The following CLSTN2 variants were observed in gnomAD, a reference collection of about 807,000 sequenced individuals.
The protein encoded by CLSTN2 is calsyntenin-2.
Under a neutral mutation model 101.2 loss-of-function variants are expected in CLSTN2, and 48 were observed. That is an observed-to-expected ratio of 0.47 (90% CI 0.38 to 0.60). CLSTN2 has a LOEUF of 0.60. Ranked by LOEUF, CLSTN2 falls within the 20% of genes least tolerant of loss-of-function variation. The probability of loss-of-function intolerance (pLI) is 0.00; values close to 1 mark genes in which losing one functional copy is unlikely to be tolerated. For synonymous variants in CLSTN2, 481 were observed against 463.6 expected, an observed-to-expected ratio of 1.04 and a Z score of -0.48; for missense variants, 1,160 against 1,238.2, an observed-to-expected ratio of 0.94 and a Z score of 0.95.
intron 8 of CLSTN2, among the ~76,000 whole-genome samples, chr3:140,487,715 C>G (rs1291199580): frequency 6.6e-6 from 1 of 152,230 alleles, no homozygotes; most frequent in Non-Finnish European, 1.5e-5. Flanking sequence ...CTGAAGACCC[C>G]TTGTCCCTCT....
chr3:140,089,481 G>T (rs981976373), intron 1 of CLSTN2, among the ~76,000 whole-genome samples: 1 of 152,054 alleles, frequency 6.6e-6, no homozygotes, highest in Non-Finnish European at 1.5e-5. Flanking sequence ...GTGGAAAAGG[G>T]GACCTATTAG....
chr3:140,354,913 C>G (rs1016351851), intron 2 of CLSTN2, among the ~76,000 whole-genome samples: 3 of 152,180 alleles, frequency 2.0e-5, no homozygotes, highest in African/African-American at 7.2e-5. Context: ...CTACTATTCT[C>G]CTGCTAGTTG....
At chr3:140,048,142 T>G (rs1215925685) in intron 1 of CLSTN2, among the ~76,000 whole-genome samples, 1 of 152,202 alleles carries the variant, frequency 6.6e-6, no homozygotes, top group Non-Finnish European at 1.5e-5. Flanking sequence ...ATCTAAAATG[T>G]TGTCATTATT....
intron 2 of CLSTN2, among the ~76,000 whole-genome samples, chr3:140,313,558 G>A (rs1407186056): frequency 2.0e-5 from 3 of 152,120 alleles, no homozygotes; most frequent in Non-Finnish European, 4.4e-5. Context: ...TGGCAGTTGC[G>A]GTCACTGCTT....
chr3:140,255,468 C>T (rs147411084), intron 2 of CLSTN2, among the ~76,000 whole-genome samples: 7 of 152,216 alleles, frequency 4.6e-5, no homozygotes, highest in Non-Finnish European at 1.0e-4. Context: ...ACTTCACAGA[C>T]ATAAAAAACG....
chr3:140,027,694 C>G (rs1301405396), intron 1 of CLSTN2, among the ~76,000 whole-genome samples: 1 of 152,154 alleles, frequency 6.6e-6, no homozygotes, highest in Non-Finnish European at 1.5e-5. Flanking sequence ...GCTTTGTGAC[C>G]ATTTAAGCCT....
intron 1 of CLSTN2, among the ~76,000 whole-genome samples, chr3:140,129,656 C>A (rs1461079004): frequency 6.6e-6 from 1 of 152,186 alleles, no homozygotes; most frequent in Non-Finnish European, 1.5e-5. Flanking sequence ...CCTTGGTTCA[C>A]CCAAGATGCT....
At chr3:140,439,529 A>G (rs2088735936) in intron 5 of CLSTN2, among the ~76,000 whole-genome samples, 1 of 152,256 alleles carries the variant, frequency 6.6e-6, no homozygotes, top group Non-Finnish European at 1.5e-5. Context: ...GAGCAAGACA[A>G]AATTTGAGAA....
At chr3:140,537,960 G>A (rs1935390267) in intron 9 of CLSTN2, among the ~76,000 whole-genome samples, 1 of 152,170 alleles carries the variant, frequency 6.6e-6, no homozygotes, top group African/African-American at 2.4e-5. Flanking sequence ...TGCAGCACGT[G>A]GAGGTCCAGG....
intron 1 of CLSTN2, among the ~76,000 whole-genome samples, chr3:140,047,701 G>A (rs1162998029): frequency 6.6e-6 from 1 of 152,176 alleles, no homozygotes; most frequent in Non-Finnish European, 1.5e-5. Flanking sequence ...AGGGCATCCC[G>A]TGGTGACGAG....
intron 9 of CLSTN2, among the ~76,000 whole-genome samples, chr3:140,533,192 C>G (rs555890686): frequency 6.6e-6 from 1 of 152,326 alleles, no homozygotes; most frequent in South Asian, 2.1e-4. Context: ...CTTTCTGTCT[C>G]TCACTCAGGT....
intron 1 of CLSTN2, among the ~76,000 whole-genome samples, chr3:139,988,822 C>T (rs948648339): frequency 2.6e-5 from 4 of 152,100 alleles, no homozygotes; most frequent in African/African-American, 9.7e-5. Flanking sequence ...GGGATCCTGC[C>T]TGGTTTTAGA....
At chr3:140,128,380 G>T (rs980974656) in intron 1 of CLSTN2, among the ~76,000 whole-genome samples, 9 of 152,224 alleles carry the variant, frequency 5.9e-5, no homozygotes, top group Admixed American at 5.2e-4. Context: ...TGCTCTCAAA[G>T]ATGTTATCAG....
At chr3:140,088,815 A>G (rs1385680351) in intron 1 of CLSTN2, among the ~76,000 whole-genome samples, 1 of 152,368 alleles carries the variant, frequency 6.6e-6, no homozygotes, top group African/African-American at 2.4e-5. Context: ...TATCTGAGGC[A>G]AAACCTTGAA....
chr3:140,202,969 G>C (rs1645142831), intron 2 of CLSTN2, among the ~76,000 whole-genome samples: 1 of 152,180 alleles, frequency 6.6e-6, no homozygotes, highest in South Asian at 2.1e-4. Flanking sequence ...GGTCTAGCCA[G>C]TAAGATCTCC....
intron 2 of CLSTN2, among the ~76,000 whole-genome samples, chr3:140,256,831 A>G (rs1393070420): frequency 6.6e-6 from 1 of 152,176 alleles, no homozygotes; most frequent in South Asian, 2.1e-4. Context: ...TAATGCATTG[A>G]GGTTTTTTGG....
chr3:140,486,875 C>T (rs1034247813), intron 8 of CLSTN2, among the ~76,000 whole-genome samples: 8 of 152,132 alleles, frequency 5.3e-5, no homozygotes, highest in Non-Finnish European at 1.0e-4. Flanking sequence ...AAACAGGATT[C>T]TCGAAAGCCT....
At chr3:140,111,786 T>C (rs2009160231) in intron 1 of CLSTN2, among the ~76,000 whole-genome samples, 1 of 152,186 alleles carries the variant, frequency 6.6e-6, no homozygotes, top group African/African-American at 2.4e-5. Context: ...ATCATCATCA[T>C]TTATAGACTG....
chr3:140,197,971 G>A (rs528457300), intron 2 of CLSTN2, among the ~76,000 whole-genome samples: 1 of 152,166 alleles, frequency 6.6e-6, no homozygotes, highest in Non-Finnish European at 1.5e-5. Context: ...TTGTTATCCT[G>A]TGGATCCTGG....
Sources: allele counts gnomAD v4.1 joint callset (sites outside exome capture counted in the v4.1 genomes callset), GRCh38; gene constraint gnomAD v4.1.1; transcripts MANE v1.5; gene names NCBI Gene and HGNC (gene_info 2026-07-23, HGNC 2026-07-21).